PPP2R5C: variants seen among roughly 807,000 people sequenced by gnomAD.
PPP2R5C encodes the protein serine/threonine-protein phosphatase 2A 56 kDa regulatory subunit gamma isoform.
Under a neutral mutation model 68.9 loss-of-function variants are expected in PPP2R5C, and 7 were observed. The ratio of observed to expected loss-of-function variants is 0.10; its 90% CI spans 0.06 to 0.19. The LOEUF is 0.19. Ranked by LOEUF, PPP2R5C falls within the 10% of genes least tolerant of loss-of-function variation. PPP2R5C has a pLI of 1.00. For synonymous variants in PPP2R5C, 210 were observed against 222.2 expected (o/e 0.95, Z 0.49); for missense variants, 348 against 641.3 (o/e 0.54, Z 4.94).
In PPP2R5C at chr14:101,917,694, G is replaced by GCTGC; in HGVS notation, c.1327-137_1327-136insCTGC. On this transcript the variant is annotated intron_variant, in intron 12 of 13. Transcript: ENST00000334743. This position sits in a 1 kb window ranked among gnomAD's most constrained non-coding sequence, Gnocchi z 4.4. The stretch of plus-strand genomic sequence containing the variant: ...GCCGCATCATGTTGCAGGTGTAGGC[G>GCTGC]AGTCTCCCACTGAGTGGGCTTCCTG... 1 of 1,140,594 alleles carries GCTGC rather than the reference G, an allele frequency of 8.8e-7. No homozygotes were observed. Among genetic ancestry groups the GCTGC allele is most frequent in the South Asian group, 1.5e-5 (1 of 67,822 alleles). The allele number at this position is 1,140,594 out of a possible 1,614,324, so 70.7% of individuals were successfully genotyped here.
At chr14:101,901,605 A>G (rs2045696557) in intron 8 of PPP2R5C, 114 bp from the exon 11 acceptor site, 1 of 1,024,722 alleles carries the variant, frequency 9.8e-7, no homozygotes, top group South Asian at 1.4e-5. Flanking sequence ...AGATGGCACC[A>G]TCTCCGTGTG....
intron 1 of PPP2R5C, among the ~76,000 whole-genome samples, chr14:101,762,643 T>C (rs1400093224): frequency 1.3e-5 from 2 of 152,116 alleles, no homozygotes; most frequent in African/African-American, 4.8e-5. Context: ...CCAGAAGCAC[T>C]GTATAAAATT....
chr14:101,766,406 A>G (rs1293092281), intron 2 of PPP2R5C: 1 of 152,220 alleles, frequency 6.6e-6, no homozygotes, highest in African/African-American at 2.4e-5. Context: ...ATGATTTGAT[A>G]AGTTTAAGAT....
rs2046764819 is a variant in PPP2R5C, at chr14:101,917,778, TGGAGTTCAGAGCCTG to T, written c.1327-50_1327-36del. ...GAGTCCCTAGCCAGGATGAGAAGCTTGGAGTTCAGAGCCTGGGCACCTAACAGAGCGACTCCACGC... is the reference window on the plus strand; with the variant it reads ...GAGTCCCTAGCCAGGATGAGAAGCTTGGCACCTAACAGAGCGACTCCACGC... On this transcript the variant is annotated intron_variant, in intron 12 of 13. Coordinates refer to ENST00000334743, the Ensembl canonical transcript of PPP2R5C. This position sits in a 1 kb window ranked among gnomAD's most constrained non-coding sequence, Gnocchi z 4.4. 3 of 1,606,848 alleles carry T rather than the reference TGGAGTTCAGAGCCTG, an allele frequency of 1.9e-6. No individual in the cohort carries two copies. Among genetic ancestry groups the T allele is most frequent in the Non-Finnish European group, 2.6e-6 (3 of 1,175,664 alleles).
At chr14:101,813,670 C>T (rs553599529) in intron 1 of PPP2R5C, among the ~76,000 whole-genome samples, 2 of 152,366 alleles carry the variant, frequency 1.3e-5, no homozygotes, top group South Asian at 2.1e-4. Flanking sequence ...CAGTTTGAGC[C>T]TTTTCCAGCT....
upstream of PPP2R5C, among the ~76,000 whole-genome samples, chr14:101,805,680 A>G (rs2039046960): frequency 6.6e-6 from 1 of 152,254 alleles, no homozygotes; most frequent in Admixed American, 6.5e-5. Flanking sequence ...GGAAGAGTGA[A>G]TAAACAACTT....
intron 1 of PPP2R5C, among the ~76,000 whole-genome samples, chr14:101,833,927 A>G (rs2040921067): frequency 6.6e-6 from 1 of 152,058 alleles, no homozygotes; most frequent in Admixed American, 6.5e-5. Context: ...ACAGCCTCCC[A>G]TGTAGCTGGG....
intron 2 of PPP2R5C, among the ~76,000 whole-genome samples, chr14:101,783,941 T>A (rs2037966012): frequency 6.6e-6 from 1 of 152,146 alleles, no homozygotes; most frequent in Admixed American, 6.5e-5. Context: ...CAGAAACCTG[T>A]CTAACTGGGG....
chr14:101,807,906 C>T (rs1257826888), upstream of PPP2R5C, among the ~76,000 whole-genome samples: 4 of 150,372 alleles, frequency 2.7e-5, no homozygotes, highest in South Asian at 4.3e-4. Flanking sequence ...TATTCCCACT[C>T]ATCAGCACAG....
intron 3 of PPP2R5C, among the ~76,000 whole-genome samples, chr14:101,792,396 C>T (rs1426724358): frequency 1.3e-5 from 2 of 152,186 alleles, no homozygotes; most frequent in Non-Finnish European, 1.5e-5. Flanking sequence ...TCTTGAACAA[C>T]AGTTGATAAT....
chr14:101,817,480 G>T (rs538830554), intron 1 of PPP2R5C, among the ~76,000 whole-genome samples: 3 of 152,114 alleles, frequency 2.0e-5, no homozygotes, highest in African/African-American at 7.2e-5. Flanking sequence ...CTGCACAGAC[G>T]GCCACACCAT....
chr14:101,886,088 T>C (rs186163555), intron 5 of PPP2R5C, among the ~76,000 whole-genome samples: 2,714 of 151,668 alleles, frequency 0.018, 52 homozygotes, highest in African/African-American at 0.04. Flanking sequence ...GAGACCATAC[T>C]GGCTAACACG....
Position 101,906,278 on chromosome 14 carries a change from T to C in PPP2R5C, c.1024-124T>C. On this transcript the variant is annotated intron_variant, in intron 9 of 13. Coordinates refer to ENST00000334743, the Ensembl canonical transcript of PPP2R5C. The surrounding 1 kb of genome is among the most constrained non-coding windows in gnomAD (Gnocchi z 4.0). ...TACAGTCTAGAATATTTTGAATTTG[T>C]AGAAATAATCATAATTTTCTGGTCC... is the stretch of plus-strand genomic sequence containing the variant. 1 of 1,091,620 alleles carries C rather than the reference T, an allele frequency of 9.2e-7. No individual in the cohort carries two copies. The highest frequency in any genetic ancestry group is 2.7e-5 in the Admixed American group (1 of 37,426). 67.6% of individuals were successfully genotyped at this position (1,091,620 alleles called of 1,614,324 possible).
chr14:101,816,462 A>C (rs1365721049), intron 1 of PPP2R5C, among the ~76,000 whole-genome samples: 2 of 152,232 alleles, frequency 1.3e-5, no homozygotes, highest in Non-Finnish European at 2.9e-5. Context: ...AAAAGACTAA[A>C]GAGATATAAC....
intron 2 of PPP2R5C, among the ~76,000 whole-genome samples, chr14:101,783,308 T>A (rs1457583463): frequency 7.4e-6 from 1 of 135,578 alleles, no homozygotes; most frequent in Non-Finnish European, 1.6e-5. Flanking sequence ...TTTGGGCAGC[T>A]CTGCAGCTCC....
chr14:101,856,565 C>G (rs1490921584), intron 1 of PPP2R5C, 121 bp from the exon 4 acceptor site: 1 of 911,178 alleles, frequency 1.1e-6, no homozygotes, highest in Non-Finnish European at 1.7e-6. Flanking sequence ...TTTACCCCAC[C>G]CATCTCCTTT....
At chr14:101,867,634 C>G (rs1244459828) in intron 2 of PPP2R5C, among the ~76,000 whole-genome samples, 1 of 151,802 alleles carries the variant, frequency 6.6e-6, no homozygotes, top group Non-Finnish European at 1.5e-5. Flanking sequence ...GAAAATTAGC[C>G]AGGCATGGTG....
intron 2 of PPP2R5C, among the ~76,000 whole-genome samples, chr14:101,858,944 A>C (rs1423265124): frequency 6.6e-6 from 1 of 152,188 alleles, no homozygotes; most frequent in African/African-American, 2.4e-5. Context: ...AAAGCCCTTG[A>C]GGCTGTTTTT....
At chr14:101,905,302 C>A (rs538094180) in intron 9 of PPP2R5C, among the ~76,000 whole-genome samples, 6 of 151,840 alleles carry the variant, frequency 4.0e-5, no homozygotes, top group African/African-American at 1.5e-4. Context: ...TGTAGTGAGT[C>A]GAGATAGCAC....
Sources: gnomAD v4.1 joint callset for allele counts (sites outside exome capture counted in the v4.1 genomes callset) on GRCh38, gnomAD v4.1.1 for gene constraint, Gnocchi (gnomAD v3.1) non-coding constraint, MANE v1.5 for transcripts, NCBI Gene and HGNC (gene_info 2026-07-23, HGNC 2026-07-21) for gene names.